ALPK2: variants seen among roughly 807,000 people sequenced by gnomAD.
The protein encoded by ALPK2 is alpha-protein kinase 2.
In ALPK2, 127 loss-of-function variants were observed where a neutral mutation model predicts 163.1. The observed-to-expected ratio is 0.78, with a 90% CI of 0.67 to 0.90. The LOEUF (loss-of-function observed/expected upper bound fraction) is 0.90. ALPK2 is among the 40% of genes least tolerant of loss of function. The pLI is 0.00. For synonymous variants in ALPK2, 953 were observed against 959.1 expected, an observed-to-expected ratio of 0.99 and a Z score of 0.12; for missense variants, 2,360 against 2,589.6, an observed-to-expected ratio of 0.91 and a Z score of 1.92.
At chr18:58,621,588 G>A (rs111359309) in intron 1 of ALPK2, among the ~76,000 whole-genome samples, 3,631 of 149,746 alleles carry the variant, frequency 0.024, 140 homozygotes, top group African/African-American at 0.083. Context: ...TCACTTCTAT[G>A]GGCAAAGAAG....
chr18:58,600,769 T>A (rs1481523570), intron 3 of ALPK2: 2 of 152,242 alleles, frequency 1.3e-5, no homozygotes, highest in African/African-American at 4.8e-5. Context: ...TAAAACCTTG[T>A]GTCTGGGTGA....
intron 4 of ALPK2, among the ~76,000 whole-genome samples, chr18:58,563,771 TG>T (rs2051836829): frequency 1.3e-5 from 2 of 152,244 alleles, no homozygotes; most frequent in South Asian, 2.1e-4. Flanking sequence ...ATTGTTAGAT[TG>T]TTCTCAGTGT....
rs1457966197 is a variant in ALPK2 at position 58,538,034 on chromosome 18, T to C, written c.2153A>G (p.Gln718Arg). Residue 718 changes from glutamine (Q) to arginine (R), a missense_variant, in exon 5 of 13, where the codon CAG becomes CGG. Physicochemically the swap from Gln to Arg is conservative, Grantham distance 43 (BLOSUM62 1). Transcript: ENST00000361673. ...ATCTCTGTCTTGTTTTTCTTCATGCTGTGGACCACAGGTACAGGGTTTGAC... is the reference window on the plus strand; with the variant it reads ...ATCTCTGTCTTGTTTTTCTTCATGCCGTGGACCACAGGTACAGGGTTTGAC... The part of the protein sequence containing the change: ...SEVKPCTCGP[Q>R]HEEKQDRDGN... 6.2e-7 allele frequency: 1 copy of C among 1,614,206 alleles called. No homozygotes were observed. Among genetic ancestry groups the C allele is most frequent in the Admixed American group, 1.7e-5 (1 of 60,028 alleles).
intron 4 of ALPK2, 72 bp downstream of exon 4, chr18:58,578,742 A>ACGCGCGCACGCGCGCGCGCGCG (rs758855904): frequency 4.1e-6 from 5 of 1,232,042 alleles, no homozygotes; most frequent in Admixed American, 4.6e-5. Flanking sequence ...AGACACACAC[A>ACGCGCGCACGCGCGCGCGCGCG]CACACACACA....
intron 2 of ALPK2, among the ~76,000 whole-genome samples, chr18:58,609,739 C>T (rs1250829796): frequency 6.6e-6 from 1 of 152,212 alleles, no homozygotes; most frequent in East Asian, 1.9e-4. Context: ...AAGTCCTCCC[C>T]TTGTTTTTGG....
At chr18:58,592,243 C>G (rs1002245618) in intron 3 of ALPK2, among the ~76,000 whole-genome samples, 3 of 149,670 alleles carry the variant, frequency 2.0e-5, no homozygotes, top group Non-Finnish European at 3.0e-5. Flanking sequence ...TAGTAGAAGA[C>G]ATGGTTCCTT....
At chr18:58,491,107 G>A (rs1170947882) in intron 12 of ALPK2, among the ~76,000 whole-genome samples, 2 of 152,234 alleles carry the variant, frequency 1.3e-5, no homozygotes, top group East Asian at 1.9e-4. Flanking sequence ...GCAAATGGGA[G>A]TGAAACCACC....
intron 4 of ALPK2, among the ~76,000 whole-genome samples, chr18:58,566,854 T>G (rs757494804): frequency 9.2e-5 from 14 of 152,152 alleles, no homozygotes; most frequent in Non-Finnish European, 1.8e-4. Flanking sequence ...GAGCCTAAAT[T>G]TCTTGTTGTT....
rs991756104 is a variant in ALPK2, at chr18:58,579,626, C to T, written c.1150G>A (p.Gly384Arg). ...CEHFLSGMGC[G>R]SRVSGDAGPM... ...CCAGCGTCACCCGACACCCGAGACC[C>T]ACAACCCATTCCACTGAGGAAATGC... is the stretch of plus-strand genomic sequence containing the variant. The change falls in exon 4 of 13, where the codon GGG becomes AGG. Residue 384 changes from glycine (G) to arginine (R), a missense_variant. Transcript: ENST00000361673. 1.1e-5 allele frequency: 18 copies of T among 1,614,082 alleles called. No individual in the cohort carries two copies. The Admixed American group carries it at 1.2e-4, about 10-fold the overall frequency.
intron 3 of ALPK2, among the ~76,000 whole-genome samples, chr18:58,585,027 G>A (rs980041108): frequency 1.3e-5 from 2 of 152,186 alleles, no homozygotes; most frequent in Admixed American, 6.5e-5. Context: ...CTCCCCTGCT[G>A]TGAAAGTCTT....
At chr18:58,542,882 G>A (rs2051697371) in intron 4 of ALPK2, among the ~76,000 whole-genome samples, 1 of 152,164 alleles carries the variant, frequency 6.6e-6, no homozygotes, top group African/African-American at 2.4e-5. Flanking sequence ...GGCTACATGT[G>A]GTGTGGGTCA....
At chr18:58,489,278 G>A (rs888723396) in intron 12 of ALPK2, among the ~76,000 whole-genome samples, 16 of 152,164 alleles carry the variant, frequency 1.1e-4, no homozygotes, top group Admixed American at 2.0e-4. Context: ...AAGCCGTGCC[G>A]TGCCATTTCT....
In ALPK2 at chr18:58,535,516, C is replaced by T. The variant is rs561304855; in HGVS notation, c.4671G>A (p.Thr1557=). ...IMTHASLGVD[T]HNSTGQIHDV... is the part of the protein sequence containing the mutation. Reference sequence around the variant, plus strand: ...CATGAATTTGGCCTGTGGAGTTGTGCGTGTCAACCCCAAGAGAAGCGTGAG... The same window carrying T: ...CATGAATTTGGCCTGTGGAGTTGTGTGTGTCAACCCCAAGAGAAGCGTGAG... Residue 1557 remains threonine (T), a synonymous_variant, in exon 5 of 13, where the codon ACG becomes ACA. Coordinates refer to ENST00000361673, the MANE Select transcript of ALPK2 (RefSeq NM_052947.4). The T allele has an allele frequency of 9.9e-6, 16 of 1,614,092 alleles. No homozygotes were observed. The East Asian group carries it at 1.8e-4, about 18-fold the overall frequency.
Position 58,503,920 on chromosome 18 carries a change from G to A in ALPK2, c.6247+11C>T. 2 of 1,609,150 alleles carry A rather than the reference G, an allele frequency of 1.2e-6. No homozygotes were observed. The highest frequency in any genetic ancestry group is 1.1e-5 in the South Asian group (1 of 90,042). On this transcript the variant is annotated intron_variant, in intron 11 of 12. Coordinates refer to ENST00000361673, the MANE Select transcript of ALPK2 (RefSeq NM_052947.4). ...GCATCCCTGGAGCCTGGGCTAAGCT[G>A]CTTTCCTCACCTTGCATGTCCGTCA... is the stretch of plus-strand genomic sequence containing the variant.
intron 1 of ALPK2, among the ~76,000 whole-genome samples, chr18:58,614,231 G>C (rs1221727386): frequency 6.6e-6 from 1 of 152,224 alleles, no homozygotes; most frequent in Non-Finnish European, 1.5e-5. Flanking sequence ...AGATGGGAGA[G>C]AGGTTTGAGA....
chr18:58,607,488 G>GA (rs113295953), intron 2 of ALPK2, 49 bp from the exon 3 acceptor site: 93,440 of 844,274 alleles, frequency 0.11, 11 homozygotes, highest in East Asian at 0.15. Flanking sequence ...GTATTTTTAG[G>GA]AAAAAAAAAA....
chr18:58,555,190 G>A (rs764274624), intron 4 of ALPK2, among the ~76,000 whole-genome samples: 1 of 152,196 alleles, frequency 6.6e-6, no homozygotes, highest in African/African-American at 2.4e-5. Flanking sequence ...CTGCAAGTTC[G>A]AGTTGTTCGA....
In ALPK2 at chr18:58,536,682, A is replaced by G. The variant is rs773274823; in HGVS notation, c.3505T>C (p.Leu1169=). The G allele has an allele frequency of 6.2e-7, 1 of 1,614,156 alleles. No individual in the cohort carries two copies. The highest frequency in any genetic ancestry group is 1.1e-5 in the South Asian group (1 of 91,078). Residue 1169 remains leucine, a synonymous_variant, in exon 5 of 13, where the codon TTG becomes CTG. Transcript: ENST00000361673. ...TTSAAQEERN[L]VPTAHSPASS... ...GCGGGTGAGTGGGCCGTGGGCACCA[A>G]GTTTCTTTCCTCTTGTGCAGCAGAT...
chr18:58,522,901 C>G (rs1188157927), intron 8 of ALPK2, among the ~76,000 whole-genome samples: 1 of 151,512 alleles, frequency 6.6e-6, no homozygotes, highest in Non-Finnish European at 1.5e-5. Context: ...ATTGTCATTT[C>G]TTTCTCTTTT....
Sources: gnomAD v4.1 joint callset for allele counts (sites outside exome capture counted in the v4.1 genomes callset) on GRCh38, gnomAD v4.1.1 for gene constraint, MANE v1.5 for transcripts, NCBI Gene and HGNC (gene_info 2026-07-23, HGNC 2026-07-21) for gene names.